CSMD1: variants seen among roughly 807,000 people sequenced by gnomAD.
CSMD1 encodes CUB and Sushi multiple domains 1, also known as CUB and sushi domain-containing protein 1.
CSMD1 carries 213 observed loss-of-function variants against 417.5 expected under a neutral mutation model. The ratio of observed to expected loss-of-function variants is 0.51; its 90% CI spans 0.46 to 0.57. CSMD1 has a LOEUF of 0.57. Among genes scored for constraint, CSMD1 ranks in the 20% least tolerant of loss-of-function variants. The pLI is 0.00. For synonymous variants in CSMD1, 2,862 were observed against 1,736.8 expected, an observed-to-expected ratio of 1.65 and a Z score of -16.11; for missense variants, 6,923 against 4,529.7, an observed-to-expected ratio of 1.53 and a Z score of -15.17.
At chr8:3,606,132 T>A (rs1801600217) in intron 8 of CSMD1, among the ~76,000 whole-genome samples, 2 of 152,180 alleles carry the variant, frequency 1.3e-5, no homozygotes, top group Non-Finnish European at 2.9e-5. Context: ...AAGCTGGGTG[T>A]AAAGAGCCCC....
chr8:3,923,072 G>A (rs943445915), intron 5 of CSMD1, among the ~76,000 whole-genome samples: 1 of 152,074 alleles, frequency 6.6e-6, no homozygotes, highest in African/African-American at 2.4e-5. Flanking sequence ...TGTGTTCCTG[G>A]AGCCCAGTTG....
chr8:4,136,851 G>T (rs966501219), intron 3 of CSMD1, among the ~76,000 whole-genome samples: 7 of 152,156 alleles, frequency 4.6e-5, no homozygotes, highest in African/African-American at 1.7e-4. Flanking sequence ...CTCTAGGTTT[G>T]CTTTGTGATT....
chr8:3,675,615 T>C (rs557269942), intron 7 of CSMD1, among the ~76,000 whole-genome samples: 1 of 152,206 alleles, frequency 6.6e-6, no homozygotes, highest in South Asian at 2.1e-4. Context: ...ATTAGCACCC[T>C]TATAAGGAAA....
In CSMD1 at chr8:3,229,903, G is replaced by A. The variant is rs963177219; in HGVS notation, c.4345+137C>T. On this transcript the variant is annotated intron_variant, in intron 27 of 69. Transcript: ENST00000635120. ...TTAAAGGTTTACAATAAAATTTCAGGAGTCTCAGAGAGCCAGAGAACATGA... is the reference window on the plus strand; with the variant it reads ...TTAAAGGTTTACAATAAAATTTCAGAAGTCTCAGAGAGCCAGAGAACATGA... 61 of 585,276 alleles carry A rather than the reference G, an allele frequency of 1.0e-4. No homozygotes were observed. The African/African-American group carries it at 1.1e-3, about 10-fold the overall frequency. The allele number at this position is 585,276 out of a possible 1,614,324, so 36.3% of individuals were successfully genotyped here.
chr8:3,102,851 C>T (rs1302157257), intron 46 of CSMD1, among the ~76,000 whole-genome samples: 3 of 152,184 alleles, frequency 2.0e-5, no homozygotes, highest in African/African-American at 7.2e-5. Flanking sequence ...TTCTCCTGGG[C>T]CTTGAAGCAT....
chr8:4,832,615 T>C (rs1468594632), intron 1 of CSMD1, among the ~76,000 whole-genome samples: 2 of 152,196 alleles, frequency 1.3e-5, no homozygotes, highest in East Asian at 1.9e-4. Flanking sequence ...ACTTAGGGAT[T>C]ATAGTAAGTG....
intron 4 of CSMD1, among the ~76,000 whole-genome samples, chr8:4,016,192 G>C (rs1195094584): frequency 6.6e-6 from 1 of 152,172 alleles, no homozygotes; most frequent in Non-Finnish European, 1.5e-5. Flanking sequence ...ACTTGCCAGA[G>C]AGGTTTAGTC....
chr8:4,816,006 T>G lies in CSMD1; in HGVS notation c.85+178326A>C, dbSNP rs142477738. On this transcript the variant is annotated intron_variant, in intron 1 of 69. Coordinates refer to ENST00000635120, the MANE Select transcript of CSMD1 (RefSeq NM_033225.6). ...TCCAGAAATGAAAAGTACAAAAATG[T>G]CACGCTATTAAGGAAAGCAGGTGCA... Among the ~76,000 whole-genome samples, 576 of 152,180 alleles carry G rather than the reference T, an allele frequency of 3.8e-3. 4 individuals carry two copies. Among genetic ancestry groups the G allele is most frequent in the African/African-American group, 0.013 (526 of 41,510 alleles).
At chr8:3,359,679 T>C (rs954190536) in intron 20 of CSMD1, among the ~76,000 whole-genome samples, 1 of 152,120 alleles carries the variant, frequency 6.6e-6, no homozygotes, top group African/African-American at 2.4e-5. Context: ...TAATACTTGA[T>C]AGCAGAGTAA....
At chr8:4,082,140 G>T (rs567296915) in intron 3 of CSMD1, among the ~76,000 whole-genome samples, 1 of 152,058 alleles carries the variant, frequency 6.6e-6, no homozygotes, top group Non-Finnish European at 1.5e-5. Context: ...AATAAAAGAT[G>T]CAAAATCTCT....
intron 8 of CSMD1, among the ~76,000 whole-genome samples, chr8:3,602,716 T>TACAC (rs34593924): frequency 0.01 from 1,511 of 146,686 alleles, 14 homozygotes; most frequent in African/African-American, 0.029. Context: ...CAGGAAGAAT[T>TACAC]ACACACACAC....
intron 5 of CSMD1, among the ~76,000 whole-genome samples, chr8:3,867,471 T>C (rs1236235843): frequency 6.6e-6 from 1 of 152,158 alleles, no homozygotes; most frequent in Non-Finnish European, 1.5e-5. Context: ...CTAAACAAAA[T>C]ATATCTGACC....
chr8:3,623,443 C>G (rs1796352873), intron 7 of CSMD1, among the ~76,000 whole-genome samples: 1 of 152,102 alleles, frequency 6.6e-6, no homozygotes, highest in Admixed American at 6.5e-5. Context: ...ACATCTATGA[C>G]AGAGATTAGA....
chr8:3,446,785 G>A (rs1334398482), intron 12 of CSMD1, among the ~76,000 whole-genome samples: 1 of 152,230 alleles, frequency 6.6e-6, no homozygotes, highest in Non-Finnish European at 1.5e-5. Flanking sequence ...TCGATGAAAT[G>A]GAACCTGTTG....
At chr8:4,821,523 T>A (rs1279844592) in intron 1 of CSMD1, among the ~76,000 whole-genome samples, 1 of 152,166 alleles carries the variant, frequency 6.6e-6, no homozygotes, top group Admixed American at 6.6e-5. Flanking sequence ...ATGAAATATC[T>A]TACAGTACAA....
chr8:3,469,093 T>A (rs1816941290), intron 11 of CSMD1: 1 of 301,360 alleles, frequency 3.3e-6, no homozygotes. Context: ...ACCATCCCAT[T>A]TTCCTGGAAC....
At chr8:3,977,870 A>G (rs777448523) in intron 5 of CSMD1, among the ~76,000 whole-genome samples, 12 of 152,338 alleles carry the variant, frequency 7.9e-5, no homozygotes, top group African/African-American at 1.2e-4. Flanking sequence ...TAGGCTGAGA[A>G]TAAATTTAAT....
intron 1 of CSMD1, among the ~76,000 whole-genome samples, chr8:4,871,727 T>A (rs1360140144): frequency 6.6e-6 from 1 of 152,138 alleles, no homozygotes; most frequent in Non-Finnish European, 1.5e-5. Flanking sequence ...ATGCATAATT[T>A]CAGAGTTCAT....
intron 50 of CSMD1, among the ~76,000 whole-genome samples, chr8:3,046,490 T>C (rs1048141058): frequency 6.6e-6 from 1 of 152,154 alleles, no homozygotes; most frequent in African/African-American, 2.4e-5. Context: ...GAGCTAACAG[T>C]GCGCTCAAAT....
Sources: gnomAD v4.1 joint callset for allele counts (sites outside exome capture counted in the v4.1 genomes callset) on GRCh38, gnomAD v4.1.1 for gene constraint, MANE v1.5 for transcripts, NCBI Gene and HGNC (gene_info 2026-07-23, HGNC 2026-07-21) for gene names.